Variants in CSMD1 observed in about 807,000 individuals in gnomAD.
CSMD1 encodes the protein CUB and Sushi multiple domains 1, also known as CUB and sushi domain-containing protein 1.
Under a neutral mutation model 417.5 loss-of-function variants are expected in CSMD1, and 213 were observed. The observed-to-expected ratio is 0.51, with a 90% CI of 0.46 to 0.57. The LOEUF (loss-of-function observed/expected upper bound fraction) is 0.57, where lower values mean the gene tolerates loss of function less well. Among genes scored for constraint, CSMD1 ranks in the 20% least tolerant of loss-of-function variants. The probability of loss-of-function intolerance (pLI) is 0.00; values close to 1 mark genes in which losing one functional copy is unlikely to be tolerated. For synonymous variants in CSMD1, 2,862 were observed against 1,736.8 expected (o/e 1.65, Z -16.11); for missense variants, 6,923 against 4,529.7 (o/e 1.53, Z -15.17).
At chr8:4,674,148 C>T (rs558355444) in intron 1 of CSMD1, among the ~76,000 whole-genome samples, 1 of 152,038 alleles carries the variant, frequency 6.6e-6, no homozygotes, top group Non-Finnish European at 1.5e-5. Context: ...TCCACTGGAA[C>T]CATAGATGAG....
chr8:3,095,036 T>C (rs1374593410), intron 47 of CSMD1, among the ~76,000 whole-genome samples: 1 of 152,182 alleles, frequency 6.6e-6, no homozygotes, highest in Non-Finnish European at 1.5e-5. Context: ...ATGGCTATGA[T>C]CTGTCCAAAT....
chr8:4,299,776 A>G (rs1827664), intron 3 of CSMD1, among the ~76,000 whole-genome samples: 96,766 of 151,782 alleles, frequency 0.64, 31,234 homozygotes, highest in East Asian at 0.86. Flanking sequence ...GATTACAGGT[A>G]CGTGCCACCA....
At chr8:2,957,863 A>C (rs1395467636) in intron 62 of CSMD1, 56 bp from the exon 63 acceptor site, 1 of 1,192,488 alleles carries the variant, frequency 8.4e-7, no homozygotes, top group African/African-American at 1.5e-5. Context: ...CGAAGTGTCA[A>C]CTAGTGATAC....
At chr8:4,397,559 G>A (rs974116593) in intron 3 of CSMD1, among the ~76,000 whole-genome samples, 1 of 113,804 alleles carries the variant, frequency 8.8e-6, no homozygotes, top group South Asian at 2.8e-4. Context: ...TTTTGAGACG[G>A]AATCTTGCTC....
chr8:3,686,972 G>C (rs1392742921), intron 7 of CSMD1, among the ~76,000 whole-genome samples: 1 of 152,190 alleles, frequency 6.6e-6, no homozygotes, highest in Non-Finnish European at 1.5e-5. Flanking sequence ...CATAGAAGAA[G>C]CTTGTTCAAA....
Position 3,708,546 on chromosome 8 carries a change from A to G in CSMD1, c.932-55T>C, listed in dbSNP as rs963777486. 7.5e-6 allele frequency: 11 copies of G among 1,469,772 alleles called. No individual in the cohort carries two copies. The African/African-American group carries it at 9.7e-5, about 13-fold the overall frequency. 91.0% of individuals were successfully genotyped at this position (1,469,772 alleles called of 1,614,324 possible). On this transcript the variant is annotated intron_variant, in intron 6 of 69. Coordinates refer to ENST00000635120, the MANE Select transcript of CSMD1 (RefSeq NM_033225.6). ...GGTAAGACTTGGAGATCATAAAACC[A>G]TGTTGTATCCACACAGCACTTCCAG...
chr8:4,803,636 C>G (rs910712308), intron 1 of CSMD1, among the ~76,000 whole-genome samples: 1 of 152,176 alleles, frequency 6.6e-6, no homozygotes, highest in Non-Finnish European at 1.5e-5. Context: ...GTCTTCTATC[C>G]TCCATCCAAT....
At chr8:3,906,998 G>A (rs907031399) in intron 5 of CSMD1, among the ~76,000 whole-genome samples, 11 of 152,136 alleles carry the variant, frequency 7.2e-5, no homozygotes, top group African/African-American at 2.7e-4. Context: ...GTTGTAAGAA[G>A]GTCTTCATAT....
At chr8:4,001,086 G>T (rs1815634728) in intron 4 of CSMD1, among the ~76,000 whole-genome samples, 1 of 151,756 alleles carries the variant, frequency 6.6e-6, no homozygotes, top group African/African-American at 2.4e-5. Context: ...AAATGATTAT[G>T]AATTTTTGTC....
At chr8:3,283,856 T>G (rs1157358555) in intron 26 of CSMD1, among the ~76,000 whole-genome samples, 1 of 152,346 alleles carries the variant, frequency 6.6e-6, no homozygotes, top group East Asian at 1.9e-4. Context: ...TTTTCTCTCT[T>G]TCTTTGGGTC....
intron 5 of CSMD1, among the ~76,000 whole-genome samples, chr8:3,976,732 G>C (rs951536742): frequency 6.6e-6 from 1 of 152,070 alleles, no homozygotes. Context: ...ACCCTATGAA[G>C]TGGGCCCCAT....
At chr8:3,221,827 G>T (rs1217445963) in intron 28 of CSMD1, among the ~76,000 whole-genome samples, 1 of 151,964 alleles carries the variant, frequency 6.6e-6, no homozygotes, top group African/African-American at 2.4e-5. Flanking sequence ...CCCTGAACGA[G>T]CCTGGGAGCC....
intron 8 of CSMD1, chr8:3,598,453 T>C (rs893101586): frequency 2.0e-5 from 3 of 152,276 alleles, no homozygotes; most frequent in African/African-American, 7.2e-5. Context: ...CAGGCTCTTC[T>C]TCCTTCTGGG....
intron 3 of CSMD1, among the ~76,000 whole-genome samples, chr8:4,143,462 G>A (rs1328780622): frequency 1.3e-5 from 2 of 150,414 alleles, no homozygotes; most frequent in Non-Finnish European, 2.9e-5. Context: ...TTTATTACAG[G>A]AGGTGTTTAA....
At chr8:3,699,005 C>A (rs1012209366) in intron 7 of CSMD1, among the ~76,000 whole-genome samples, 1 of 152,160 alleles carries the variant, frequency 6.6e-6, no homozygotes, top group Non-Finnish European at 1.5e-5. Flanking sequence ...TTCATCCCAC[C>A]CTCCTTGTAC....
At chr8:4,807,454 A>T (rs1233256409) in intron 1 of CSMD1, among the ~76,000 whole-genome samples, 1 of 152,122 alleles carries the variant, frequency 6.6e-6, no homozygotes, top group Non-Finnish European at 1.5e-5. Flanking sequence ...GGCACACTTG[A>T]GCTGAAACCT....
intron 3 of CSMD1, among the ~76,000 whole-genome samples, chr8:4,039,141 A>T (rs1797761628): frequency 6.6e-6 from 1 of 152,218 alleles, no homozygotes; most frequent in Non-Finnish European, 1.5e-5. Flanking sequence ...CAGCATTTTC[A>T]ACAGCATGTG....
At chr8:3,512,587 C>T (rs377274221) in intron 10 of CSMD1, among the ~76,000 whole-genome samples, 1 of 146,990 alleles carries the variant, frequency 6.8e-6, no homozygotes, top group Middle Eastern at 3.5e-3. Context: ...CAGGAGCTTA[C>T]TTTAATTTTT....
At chr8:4,618,426 G>C (rs189709637) in intron 2 of CSMD1, among the ~76,000 whole-genome samples, 269 of 152,108 alleles carry the variant, frequency 1.8e-3, no homozygotes, top group African/African-American at 6.1e-3. Flanking sequence ...GCAAAGGTGG[G>C]CAGGACTCAC....
Sources: gnomAD v4.1 joint callset for allele counts (sites outside exome capture counted in the v4.1 genomes callset) on GRCh38, gnomAD v4.1.1 for gene constraint, MANE v1.5 for transcripts, NCBI Gene and HGNC (gene_info 2026-07-23, HGNC 2026-07-21) for gene names.